ADAMTS12: variants seen among roughly 807,000 people sequenced by gnomAD.
The protein encoded by ADAMTS12 is A disintegrin and metalloproteinase with thrombospondin motifs 12.
A neutral mutation model predicts 167.8 loss-of-function variants in ADAMTS12; 118 were observed. That is an observed-to-expected ratio of 0.70 (90% CI 0.61 to 0.82). The LOEUF (loss-of-function observed/expected upper bound fraction) is 0.82. Among genes scored for constraint, ADAMTS12 ranks in the 40% least tolerant of loss-of-function variants. The probability of loss-of-function intolerance (pLI) is 0.00; values close to 1 mark genes in which losing one functional copy is unlikely to be tolerated. For synonymous variants in ADAMTS12, 704 were observed against 716.9 expected (o/e 0.98, Z 0.29); for missense variants, 1,916 against 1,998.8 (o/e 0.96, Z 0.79).
intron 2 of ADAMTS12, among the ~76,000 whole-genome samples, chr5:33,855,580 C>T (rs1749367258): frequency 2.0e-5 from 3 of 152,254 alleles, no homozygotes; most frequent in East Asian, 3.9e-4. Context: ...AACAGGGAAA[C>T]GAGTCATGTT....
At chr5:33,556,982 AT>A (rs1343624574) in intron 20 of ADAMTS12, among the ~76,000 whole-genome samples, 1 of 152,226 alleles carries the variant, frequency 6.6e-6, no homozygotes, top group African/African-American at 2.4e-5. Context: ...AGACTGCAAC[AT>A]GACCTTTGGT....
At chr5:33,577,584 G>T (rs1746824507) in intron 18 of ADAMTS12, among the ~76,000 whole-genome samples, 1 of 152,082 alleles carries the variant, frequency 6.6e-6, no homozygotes, top group African/African-American at 2.4e-5. Flanking sequence ...ATGAAATTCG[G>T]TATAAGGAAC....
At chr5:33,740,933 T>A (rs1318696450) in intron 3 of ADAMTS12, among the ~76,000 whole-genome samples, 1 of 152,192 alleles carries the variant, frequency 6.6e-6, no homozygotes, top group Non-Finnish European at 1.5e-5. Context: ...ACTTCACTTA[T>A]AAAGCGGACA....
intron 2 of ADAMTS12, among the ~76,000 whole-genome samples, chr5:33,818,809 T>C (rs1034584555): frequency 6.6e-6 from 1 of 152,168 alleles, no homozygotes; most frequent in Non-Finnish European, 1.5e-5. Context: ...CTCATAGTGA[T>C]TTTAATTTGC....
At chr5:33,783,047 A>C (rs976485962) in intron 2 of ADAMTS12, among the ~76,000 whole-genome samples, 3 of 152,066 alleles carry the variant, frequency 2.0e-5, no homozygotes, top group Non-Finnish European at 4.4e-5. Context: ...CAAGAAATGT[A>C]AAAGAGTTAA....
intron 3 of ADAMTS12, among the ~76,000 whole-genome samples, chr5:33,700,139 T>G (rs1339120522): frequency 6.6e-6 from 1 of 152,220 alleles, no homozygotes; most frequent in Non-Finnish European, 1.5e-5. Context: ...ACAAACAGTT[T>G]GGCAGTATCT....
intron 18 of ADAMTS12, among the ~76,000 whole-genome samples, chr5:33,582,449 G>A (rs908161618): frequency 3.3e-5 from 5 of 152,122 alleles, no homozygotes; most frequent in African/African-American, 1.2e-4. Context: ...CTCTTCCCTC[G>A]GGTGGCAGGG....
intron 2 of ADAMTS12, among the ~76,000 whole-genome samples, chr5:33,826,564 G>A (rs893634402): frequency 8.9e-6 from 1 of 112,814 alleles, no homozygotes; most frequent in Non-Finnish European, 1.8e-5. Context: ...ATATGTTTAT[G>A]TATGTGTATG....
intron 2 of ADAMTS12, among the ~76,000 whole-genome samples, chr5:33,766,642 G>C (rs918711441): frequency 6.6e-6 from 1 of 151,960 alleles, no homozygotes; most frequent in African/African-American, 2.4e-5. Context: ...CAGCTTTTCT[G>C]TAATTTTAAA....
At chr5:33,691,225 A>C (rs4308487) in intron 3 of ADAMTS12, among the ~76,000 whole-genome samples, 18,087 of 152,034 alleles carry the variant, frequency 0.12, 1,644 homozygotes, top group South Asian at 0.43. Flanking sequence ...CTATATTGTG[A>C]CTCTCCTACT....
intron 19 of ADAMTS12, among the ~76,000 whole-genome samples, chr5:33,569,340 C>A (rs1746185178): frequency 6.6e-6 from 1 of 152,228 alleles, no homozygotes; most frequent in African/African-American, 2.4e-5. Context: ...AACTGGGAGG[C>A]ACCCCCCAGT....
Position 33,761,123 on chromosome 5 carries a change from G to A in ADAMTS12, c.490-9575C>T, listed in dbSNP as rs865874537. Among the ~76,000 whole-genome samples the A allele has an allele frequency of 7.9e-5, 12 of 151,722 alleles. No homozygotes were observed. The South Asian group carries it at 2.3e-3, about 29-fold the overall frequency. On this transcript the variant is annotated intron_variant, in intron 2 of 23. Coordinates refer to ENST00000504830, the MANE Select transcript of ADAMTS12 (RefSeq NM_030955.4). ...GTGGGAAGCAAAAAGCCATTATGGC[G>A]GATTTAGCCTTGATACAGCACTTCT...
chr5:33,662,376 C>T (rs1579811230), intron 5 of ADAMTS12, among the ~76,000 whole-genome samples: 1 of 152,248 alleles, frequency 6.6e-6, no homozygotes, highest in Non-Finnish European at 1.5e-5. Flanking sequence ...TCTCTGCATC[C>T]TAAACCAATG....
chr5:33,793,505 G>C (rs930839622), intron 2 of ADAMTS12, among the ~76,000 whole-genome samples: 1 of 152,142 alleles, frequency 6.6e-6, no homozygotes, highest in Admixed American at 6.5e-5. Flanking sequence ...ATCTGGATGG[G>C]CTATAAATAT....
At position 33,641,968 on chromosome 5, in the gene ADAMTS12, G is replaced by A. The variant is rs748983270; in HGVS notation, c.1573-13C>T. 3.7e-6 allele frequency: 6 copies of A among 1,602,526 alleles called. No individual in the cohort carries two copies. The highest frequency in any genetic ancestry group is 1.7e-4 in the Middle Eastern group (1 of 6,024). On this transcript the variant is annotated splice_polypyrimidine_tract_variant and intron_variant, in intron 10 of 23. Coordinates refer to ENST00000504830, the MANE Select transcript of ADAMTS12 (RefSeq NM_030955.4). ...CTGCCATACACCACTGGAAAGGGAA[G>A]AGGCAGGAGATGGCCGTATCAGGAA... is the stretch of plus-strand genomic sequence containing the variant.
At chr5:33,754,333 T>C (rs924575372) in intron 2 of ADAMTS12, among the ~76,000 whole-genome samples, 5 of 152,168 alleles carry the variant, frequency 3.3e-5, no homozygotes, top group African/African-American at 1.2e-4. Flanking sequence ...TAAAGGAGAA[T>C]GGAAATGGAA....
rs762686450 is a variant in ADAMTS12 at position 33,614,356 on chromosome 5, G to A, written c.2409C>T (p.Asn803=). ...VWIQLLFQVT[N]PGIKYEYTIQ... is the part of the protein sequence containing the mutation. ...TTGTGTACTCATACTTGATGCCAGG[G>A]TTAGTCACCTGGAATAGAAGCTAAA... The change falls in exon 16 of 24, where the codon AAC becomes AAT. Residue 803 remains asparagine, a synonymous_variant. Coordinates refer to ENST00000504830, the MANE Select transcript of ADAMTS12 (RefSeq NM_030955.4). 1 of 1,613,974 alleles carries A rather than the reference G, an allele frequency of 6.2e-7. No individual in the cohort carries two copies. The highest frequency in any genetic ancestry group is 2.2e-5 in the East Asian group (1 of 44,880).
intron 20 of ADAMTS12, among the ~76,000 whole-genome samples, chr5:33,556,390 CG>C (rs1026568980): frequency 5.5e-4 from 83 of 152,178 alleles, no homozygotes; most frequent in African/African-American, 1.8e-3. Context: ...GATTAATGCA[CG>C]AAGAGGAGGA....
intron 2 of ADAMTS12, among the ~76,000 whole-genome samples, chr5:33,832,943 T>C (rs1477258541): frequency 1.4e-5 from 2 of 147,162 alleles, no homozygotes; most frequent in Non-Finnish European, 2.9e-5. Context: ...TCCTCTATCT[T>C]TAACTTTTTA....
Sources: allele counts gnomAD v4.1 joint callset (sites outside exome capture counted in the v4.1 genomes callset), GRCh38; gene constraint gnomAD v4.1.1; transcripts MANE v1.5; gene names NCBI Gene and HGNC (gene_info 2026-07-23, HGNC 2026-07-21).